The following PDE4D variants were observed in gnomAD, a reference collection of about 807,000 sequenced individuals.
PDE4D encodes the protein 3',5'-cyclic-AMP phosphodiesterase 4D.
PDE4D carries 24 observed loss-of-function variants against 87.4 expected under a neutral mutation model. That is an observed-to-expected ratio of 0.27 (90% CI 0.20 to 0.39). The LOEUF (loss-of-function observed/expected upper bound fraction) is 0.39. PDE4D is among the 10% of genes least tolerant of loss of function. The pLI is 1.00. For synonymous variants in PDE4D, 384 were observed against 383.2 expected (o/e 1.00, Z -0.02); for missense variants, 714 against 1,041.0 (o/e 0.69, Z 4.32).
intron 1 of PDE4D, chr5:59,768,632 G>T: frequency 6.5e-7 from 1 of 1,528,586 alleles, no homozygotes; most frequent in East Asian, 2.3e-5. Context: ...TCAGTCGCCT[G>T]CCTCAGTCTC....
At position 59,490,062 on chromosome 5, in the gene PDE4D, C is replaced by T. The variant is rs72767792; in HGVS notation, c.456-274094G>A. Among the ~76,000 whole-genome samples the T allele has an allele frequency of 3.7e-3, 562 of 152,194 alleles. 2 individuals are homozygous for T. The highest frequency in any genetic ancestry group is 6.6e-3 in the Non-Finnish European group (447 of 67,952). On this transcript the variant is annotated intron_variant, in intron 1 of 14. Coordinates refer to ENST00000340635, the MANE Select transcript of PDE4D (RefSeq NM_001104631.2). ...TTCCAGTATAGTAAAAATATCATTT[C>T]GCAAATATTTGCTTAGCTCTTTGGA...
chr5:59,967,046 G>C (rs1023466698), intron 3 of PDE4D, among the ~76,000 whole-genome samples: 8 of 152,134 alleles, frequency 5.3e-5, no homozygotes, highest in African/African-American at 1.9e-4. Flanking sequence ...ATGGCGAGCT[G>C]ACCTGGAGTT....
intron 1 of PDE4D, among the ~76,000 whole-genome samples, chr5:59,792,342 T>A (rs968202966): frequency 3.3e-5 from 5 of 151,990 alleles, no homozygotes; most frequent in Admixed American, 6.6e-5. Context: ...CTTTTATTTT[T>A]TTTCATTTCA....
intron 5 of PDE4D, among the ~76,000 whole-genome samples, chr5:59,143,186 CTCCTTCCCTCCCTCTTTTCCTTCTTTCT>C (rs1207473899): frequency 2.7e-5 from 4 of 150,114 alleles, no homozygotes; most frequent in South Asian, 2.1e-4. Flanking sequence ...CCCTCCCTTC[CTCCTTCCCTCCCTCTTTTCCTTCTTTCT>C]TCCTTCCCTC....
intron 1 of PDE4D, among the ~76,000 whole-genome samples, chr5:59,758,478 T>C (rs938738866): frequency 4.6e-5 from 7 of 152,198 alleles, no homozygotes; most frequent in Non-Finnish European, 4.4e-5. Context: ...TCTGAAATAC[T>C]TGGAGAGTAT....
intron 3 of PDE4D, among the ~76,000 whole-genome samples, chr5:59,930,975 A>G (rs188965548): frequency 6.6e-6 from 1 of 152,344 alleles, no homozygotes; most frequent in East Asian, 1.9e-4. Flanking sequence ...ATTGTAATAA[A>G]AATATGAAAG....
At chr5:60,400,503 CAG>C (rs1424273370) in intron 1 of PDE4D, among the ~76,000 whole-genome samples, 1 of 100,046 alleles carries the variant, frequency 1.0e-5, no homozygotes, top group Non-Finnish European at 1.8e-5. Flanking sequence ...GCCTGGGTAA[CAG>C]AGCAAGACTC....
chr5:59,324,723 T>C (rs570503501), intron 1 of PDE4D, among the ~76,000 whole-genome samples: 55 of 152,228 alleles, frequency 3.6e-4, no homozygotes, highest in African/African-American at 1.3e-3. Context: ...CCTTTGATAA[T>C]GTCACTGAGT....
At chr5:59,921,143 A>G (rs532038138) in intron 3 of PDE4D, among the ~76,000 whole-genome samples, 1 of 152,320 alleles carries the variant, frequency 6.6e-6, no homozygotes, top group Admixed American at 6.5e-5. Context: ...CCTGTCTCAT[A>G]CATAAGCTCT....
chr5:59,864,705 A>C (rs1430120658), intron 1 of PDE4D, among the ~76,000 whole-genome samples: 1 of 152,182 alleles, frequency 6.6e-6, no homozygotes, highest in Non-Finnish European at 1.5e-5. Flanking sequence ...TGGAAATAAC[A>C]AACCCAACAG....
intron 1 of PDE4D, among the ~76,000 whole-genome samples, chr5:60,350,596 T>G (rs775273856): frequency 6.6e-6 from 1 of 152,112 alleles, no homozygotes. Context: ...GGCCAGCAAA[T>G]GCAGGCCCCA....
intron 2 of PDE4D, among the ~76,000 whole-genome samples, chr5:60,037,468 T>A (rs535393533): frequency 6.6e-6 from 1 of 152,306 alleles, no homozygotes; most frequent in African/African-American, 2.4e-5. Context: ...CTAATACATA[T>A]AACTTACTTT....
intron 1 of PDE4D, among the ~76,000 whole-genome samples, chr5:60,280,557 G>C (rs1181974427): frequency 6.6e-6 from 1 of 152,094 alleles, no homozygotes; most frequent in East Asian, 1.9e-4. Flanking sequence ...AAACAAACCA[G>C]GAACAAGTAC....
chr5:60,172,117 A>G (rs1370174651), intron 2 of PDE4D, among the ~76,000 whole-genome samples: 1 of 147,102 alleles, frequency 6.8e-6, no homozygotes, highest in Non-Finnish European at 1.5e-5. Context: ...TATATATTAT[A>G]TTATATATAT....
At chr5:59,480,377 A>G (rs1181191171) in intron 1 of PDE4D, among the ~76,000 whole-genome samples, 1 of 152,150 alleles carries the variant, frequency 6.6e-6, no homozygotes, top group Non-Finnish European at 1.5e-5. Context: ...TCATATTACA[A>G]TGAAGATAAT....
chr5:60,322,363 C>CAT lies in PDE4D; in HGVS notation c.-89-136677_-89-136676insAT, dbSNP rs1298578331. On this transcript the variant is annotated intron_variant, in intron 1 of 16. Coordinates refer to the PDE4D transcript ENST00000502484. ...GCTAAACATTGAATATATATGGACA[C>CAT]ACATACACACACACACACACACACA... Among the ~76,000 whole-genome samples, 4 of 110,934 alleles carry CAT rather than the reference C, an allele frequency of 3.6e-5. 1 individual carries two copies. The highest frequency in any genetic ancestry group is 2.0e-4 in the Admixed American group (2 of 10,158). The allele number at this position is 110,934 out of a possible 152,430, so 72.8% of individuals were successfully genotyped here.
At chr5:59,026,651 A>T (rs1756309086) in intron 6 of PDE4D, among the ~76,000 whole-genome samples, 1 of 152,178 alleles carries the variant, frequency 6.6e-6, no homozygotes, top group Admixed American at 6.5e-5. Flanking sequence ...TGGAAAGTCA[A>T]AGGTATCCAA....
intron 1 of PDE4D, among the ~76,000 whole-genome samples, chr5:60,301,183 T>C (rs1029694106): frequency 2.0e-5 from 3 of 152,236 alleles, no homozygotes; most frequent in African/African-American, 7.2e-5. Context: ...CTTAGGCTTG[T>C]CTTGGCAATT....
At chr5:59,180,349 G>T in intron 5 of PDE4D, 1 of 675,786 alleles carries the variant, frequency 1.5e-6, no homozygotes. Context: ...GCTCAAATGA[G>T]TATAAGCACA....
Sources: allele counts gnomAD v4.1 joint callset (sites outside exome capture counted in the v4.1 genomes callset), GRCh38; gene constraint gnomAD v4.1.1; transcripts MANE v1.5; gene names NCBI Gene and HGNC (gene_info 2026-07-23, HGNC 2026-07-21).